SORBS2: variants seen among roughly 807,000 people sequenced by gnomAD.
SORBS2 encodes sorbin and SH3 domain containing 2, also known as sorbin and SH3 domain-containing protein 2.
SORBS2 carries 46 observed loss-of-function variants against 97.7 expected under a neutral mutation model. The ratio of observed to expected loss-of-function variants is 0.47; its 90% CI spans 0.37 to 0.60. The LOEUF (loss-of-function observed/expected upper bound fraction) is 0.60. Ranked by LOEUF, SORBS2 falls within the 20% of genes least tolerant of loss-of-function variation. The pLI is 0.00. For missense variants in SORBS2, 1,316 were observed against 1,282.3 expected, an observed-to-expected ratio of 1.03 and a Z score of -0.40; for synonymous variants, 476 against 473.4, an observed-to-expected ratio of 1.01 and a Z score of -0.07.
At chr4:185,827,246 CCATCATCAT>C (rs1321551838) in intron 1 of SORBS2, among the ~76,000 whole-genome samples, 130 of 7,608 alleles carry the variant, frequency 0.017, no homozygotes, top group African/African-American at 0.035. Flanking sequence ...ACCATCACCA[CCATCATCAT>C]CACCATCATC....
chr4:185,902,258 C>T (rs933089561), intron 1 of SORBS2, among the ~76,000 whole-genome samples: 5 of 152,018 alleles, frequency 3.3e-5, no homozygotes, highest in Non-Finnish European at 7.4e-5. Context: ...ACTTTTAATA[C>T]TTGAAGACAC....
At chr4:185,926,097 G>C (rs1419617035) in intron 1 of SORBS2, among the ~76,000 whole-genome samples, 1 of 152,238 alleles carries the variant, frequency 6.6e-6, no homozygotes, top group African/African-American at 2.4e-5. Context: ...GAGCTGGAGA[G>C]CAAGGACTGC....
chr4:185,907,250 C>T lies in SORBS2; in HGVS notation c.-338+48946G>A, dbSNP rs780032575. Among the ~76,000 whole-genome samples, 11 of 152,136 alleles carry T rather than the reference C, an allele frequency of 7.2e-5. No homozygotes were observed. The South Asian group carries it at 1.4e-3, about 20-fold the overall frequency. On this transcript the variant is annotated intron_variant, in intron 1 of 20. Transcript: ENST00000284776. ...GAACCATGGAATAGAGGATGTTCGG[C>T]CAAATTTCCTTGCTACCCTGCTAGT...
At chr4:185,717,966 C>T (rs113830964) in intron 2 of SORBS2, among the ~76,000 whole-genome samples, 2,461 of 152,238 alleles carry the variant, frequency 0.016, 82 homozygotes, top group African/African-American at 0.056. Context: ...TATGGCCGGG[C>T]GCAGTGGCTC....
chr4:185,705,040 G>A (rs376893331), intron 2 of SORBS2, among the ~76,000 whole-genome samples: 2 of 152,210 alleles, frequency 1.3e-5, no homozygotes, highest in East Asian at 3.8e-4. Flanking sequence ...AGCAGTGTGT[G>A]CATGCACATG....
intron 14 of SORBS2, chr4:185,588,320 A>G (rs1471795135): frequency 6.6e-6 from 1 of 152,270 alleles, no homozygotes; most frequent in South Asian, 2.1e-4. Context: ...GAGTTCTATC[A>G]GTGGCATGAT....
At chr4:185,892,842 G>T (rs1048222907) in intron 1 of SORBS2, among the ~76,000 whole-genome samples, 2 of 152,124 alleles carry the variant, frequency 1.3e-5, no homozygotes, top group Non-Finnish European at 2.9e-5. Flanking sequence ...CAGATGGATG[G>T]CAGAGACGGT....
chr4:185,623,012 T>G lies in SORBS2; in HGVS notation c.2117A>C (p.Gln706Pro). The G allele has an allele frequency of 6.2e-7, 1 of 1,614,116 alleles. No individual in the cohort carries two copies. The highest frequency in any genetic ancestry group is 1.1e-5 in the South Asian group (1 of 91,066). Reference sequence around the variant, plus strand: ...GCGGGGCATTCTCCCGCAGTCATTCTGGTAGGGTGGACAATGAATAGCACC... The same window carrying G: ...GCGGGGCATTCTCCCGCAGTCATTCGGGTAGGGTGGACAATGAATAGCACC... The change falls in exon 7 of 15, where the codon CAG (glutamine) becomes CCG (proline). Residue 706 changes from glutamine to proline, a missense_variant. Gln to Pro is a moderately conservative substitution (Grantham distance 76, BLOSUM62 -1). Transcript: ENST00000418609. The surrounding 1 kb of genome is among the most constrained non-coding windows in gnomAD (Gnocchi z 6.4).
At chr4:185,756,175 C>T (rs1409099706) in intron 2 of SORBS2, among the ~76,000 whole-genome samples, 1 of 152,142 alleles carries the variant, frequency 6.6e-6, no homozygotes, top group Non-Finnish European at 1.5e-5. Flanking sequence ...ATACAAGATG[C>T]TCAACAGAAG....
At chr4:185,668,772 A>G (rs954438872) in intron 4 of SORBS2, among the ~76,000 whole-genome samples, 1 of 152,200 alleles carries the variant, frequency 6.6e-6, no homozygotes, top group African/African-American at 2.4e-5. Context: ...ACTGCAGGTA[A>G]TCATCCTAAT....
chr4:185,691,854 T>C (rs187657746), intron 2 of SORBS2, among the ~76,000 whole-genome samples: 113 of 152,188 alleles, frequency 7.4e-4, no homozygotes, highest in African/African-American at 1.9e-3. Context: ...ACGCCATTCT[T>C]CTGCCTCAGC....
exon 3 of SORBS2, chr4:185,649,488 C>T (rs1297144459): frequency 1.3e-6 from 2 of 1,586,952 alleles, no homozygotes; most frequent in Non-Finnish European, 1.7e-6. Context: ...AGACCGATCT[C>T]TTGGTCGAAG....
intron 2 of SORBS2, among the ~76,000 whole-genome samples, chr4:185,720,928 G>T (rs1257922716): frequency 6.6e-6 from 1 of 152,006 alleles, no homozygotes; most frequent in African/African-American, 2.4e-5. Flanking sequence ...CCATCGCTCT[G>T]TCTCCCTGGG....
intron 2 of SORBS2, among the ~76,000 whole-genome samples, chr4:185,762,996 C>T (rs1203218559): frequency 1.3e-5 from 2 of 152,112 alleles, no homozygotes; most frequent in Non-Finnish European, 2.9e-5. Context: ...CGAGACCAGC[C>T]TGGCCAACAT....
intron 1 of SORBS2, among the ~76,000 whole-genome samples, chr4:185,879,917 G>A (rs527309083): frequency 2.6e-5 from 4 of 152,200 alleles, no homozygotes; most frequent in Non-Finnish European, 5.9e-5. Context: ...GACCTTCTAC[G>A]AGAGCCACGG....
At chr4:185,618,701 G>T in intron 8 of SORBS2, 70 bp from the exon 21 acceptor site, 1 of 984,148 alleles carries the variant, frequency 1.0e-6, no homozygotes, top group Non-Finnish European at 1.5e-6. Flanking sequence ...AGTTTAATGT[G>T]CCTTAAAGAA....
chr4:185,859,327 C>T lies in SORBS2; in HGVS notation c.-337-83961G>A, dbSNP rs148234169. 3.3e-4 allele frequency among the ~76,000 whole-genome samples: 50 copies of T among 152,266 alleles called. No homozygotes were observed. In the East Asian group the frequency reaches 8.5e-3, roughly 26 times the overall value. ...CCCATGAGACAAAACTGAAATATTTCAGCAGAGCATACCTTATCCTCCCAG... is the reference window on the plus strand; with the variant it reads ...CCCATGAGACAAAACTGAAATATTTTAGCAGAGCATACCTTATCCTCCCAG... On this transcript the variant is annotated intron_variant, in intron 1 of 20. Coordinates refer to the SORBS2 transcript ENST00000284776.
chr4:185,808,938 C>T (rs1481143377), intron 1 of SORBS2, among the ~76,000 whole-genome samples: 1 of 152,102 alleles, frequency 6.6e-6, no homozygotes, highest in African/African-American at 2.4e-5. Flanking sequence ...TATACTAAAA[C>T]ATTCAAGTTG....
intron 14 of SORBS2, chr4:185,588,308 G>A (rs1477954348): frequency 1.3e-5 from 2 of 152,214 alleles, no homozygotes; most frequent in African/African-American, 2.4e-5. Flanking sequence ...ATTTGTGTGT[G>A]GGAGTTCTAT....
Sources: gnomAD v4.1 joint callset for allele counts (sites outside exome capture counted in the v4.1 genomes callset) on GRCh38, gnomAD v4.1.1 for gene constraint, Gnocchi (gnomAD v3.1) non-coding constraint, MANE v1.5 for transcripts, NCBI Gene and HGNC (gene_info 2026-07-23, HGNC 2026-07-21) for gene names.